The following C10orf90 variants were observed in gnomAD, a reference collection of about 807,000 sequenced individuals.
C10orf90 encodes the protein chromosome 10 open reading frame 90, also known as (E2-independent) E3 ubiquitin-conjugating enzyme FATS.
A neutral mutation model predicts 62.5 loss-of-function variants in C10orf90; 56 were observed. The ratio of observed to expected loss-of-function variants is 0.90; its 90% CI spans 0.72 to 1.12. C10orf90 has a LOEUF of 1.12. C10orf90 is among the 50% of genes most tolerant of loss of function. C10orf90 has a pLI of 0.00. For synonymous variants in C10orf90, 386 were observed against 340.4 expected, an observed-to-expected ratio of 1.13 and a Z score of -1.47; for missense variants, 970 against 880.4, an observed-to-expected ratio of 1.10 and a Z score of -1.29.
At chr10:126,549,957 CTTT>C (rs1168153149) in intron 2 of C10orf90, among the ~76,000 whole-genome samples, 7 of 117,380 alleles carry the variant, frequency 6.0e-5, no homozygotes, top group Middle Eastern at 4.4e-3. Flanking sequence ...GTAAAGCTTT[CTTT>C]TTTTTTTTTT....
At chr10:126,584,516 G>T (rs888443032) in intron 2 of C10orf90, among the ~76,000 whole-genome samples, 1 of 152,074 alleles carries the variant, frequency 6.6e-6, no homozygotes, top group African/African-American at 2.4e-5. Context: ...CTGCACTCTG[G>T]GGACTGGGAG....
At chr10:126,572,572 G>A (rs981988541) in intron 2 of C10orf90, among the ~76,000 whole-genome samples, 6 of 152,012 alleles carry the variant, frequency 3.9e-5, no homozygotes, top group Admixed American at 6.6e-5. Context: ...TGATGCTGGT[G>A]GGAGTGGAGC....
At chr10:126,647,443 G>A (rs189991194) in intron 1 of C10orf90, among the ~76,000 whole-genome samples, 7 of 152,274 alleles carry the variant, frequency 4.6e-5, no homozygotes, top group East Asian at 1.9e-4. Flanking sequence ...TTTGGTGTTC[G>A]GTTCCCATTA....
intron 2 of C10orf90, among the ~76,000 whole-genome samples, chr10:126,566,182 T>G (rs1403010242): frequency 6.6e-6 from 1 of 152,188 alleles, no homozygotes; most frequent in African/African-American, 2.4e-5. Context: ...CTCCTCACCT[T>G]CTAAACATTC....
chr10:126,639,508 G>T (rs969577902), intron 2 of C10orf90, among the ~76,000 whole-genome samples: 2 of 152,202 alleles, frequency 1.3e-5, no homozygotes, highest in Middle Eastern at 3.4e-3. Context: ...CACCTCAGAG[G>T]GGGAATTCAT....
chr10:126,478,343 T>C lies in C10orf90; in HGVS notation c.1535-13357A>G, dbSNP rs1167889517. ...CATCTACATCACAGGCTGATCGCCA[T>C]CCTGCTCCAGGAGGGAGAAATGGGA... On this transcript the variant is annotated intron_variant, in intron 4 of 9. Coordinates refer to ENST00000488181, the MANE Select transcript of C10orf90 (RefSeq NM_001350921.2). Among the ~76,000 whole-genome samples, 4 of 152,200 alleles carry C rather than the reference T, an allele frequency of 2.6e-5. No homozygotes were observed. In the East Asian group the frequency reaches 7.7e-4, roughly 29 times the overall value.
intron 1 of C10orf90, among the ~76,000 whole-genome samples, chr10:126,662,778 T>C (rs1008730004): frequency 9.4e-5 from 14 of 149,358 alleles, no homozygotes; most frequent in Admixed American, 6.7e-5. Context: ...CCTGGCATCA[T>C]TGGGATGGGT....
chr10:126,611,793 AC>A (rs1484275819), intron 2 of C10orf90, among the ~76,000 whole-genome samples: 1 of 152,190 alleles, frequency 6.6e-6, no homozygotes, highest in East Asian at 1.9e-4. Context: ...TCAGCCTCTC[AC>A]CATTTCTGGG....
At chr10:126,463,618 C>T (rs367953259) in intron 5 of C10orf90, among the ~76,000 whole-genome samples, 8 of 152,172 alleles carry the variant, frequency 5.3e-5, no homozygotes, top group African/African-American at 1.7e-4. Flanking sequence ...CAGCCACTTG[C>T]GTCATGTGTG....
At chr10:126,564,400 T>C (rs1477772859) in intron 2 of C10orf90, among the ~76,000 whole-genome samples, 1 of 151,718 alleles carries the variant, frequency 6.6e-6, no homozygotes, top group Non-Finnish European at 1.5e-5. Context: ...CCTCCTTCCA[T>C]TGCAAACACA....
At chr10:126,565,344 TATATA>T (rs1844346520) in intron 2 of C10orf90, among the ~76,000 whole-genome samples, 1 of 21,238 alleles carries the variant, frequency 4.7e-5, no homozygotes, top group African/African-American at 3.3e-4. Flanking sequence ...TTATATATAA[TATATA>T]ATATATAATA....
chr10:126,447,742 T>G (rs565452923), intron 7 of C10orf90, among the ~76,000 whole-genome samples: 1 of 152,320 alleles, frequency 6.6e-6, no homozygotes, highest in Admixed American at 6.5e-5. Flanking sequence ...TCTTCTCAAG[T>G]GTACATAGAA....
chr10:126,547,445 AAAG>A (rs1391176917), intron 2 of C10orf90, among the ~76,000 whole-genome samples: 2 of 151,550 alleles, frequency 1.3e-5, no homozygotes, highest in Non-Finnish European at 2.9e-5. Flanking sequence ...AAAGAGAAAG[AAAG>A]AAAATCATTC....
At chr10:126,629,580 G>A (rs978540959) in intron 2 of C10orf90, among the ~76,000 whole-genome samples, 6 of 152,208 alleles carry the variant, frequency 3.9e-5, no homozygotes, top group Admixed American at 2.0e-4. Context: ...TTTATGCAAT[G>A]ACTTGAAAGG....
At chr10:126,503,322 G>A (rs1447271942) in intron 4 of C10orf90, among the ~76,000 whole-genome samples, 2 of 152,180 alleles carry the variant, frequency 1.3e-5, no homozygotes, top group African/African-American at 4.8e-5. Flanking sequence ...TGGTCAAGAT[G>A]CCCCAGAAGA....
rs1862654502 is a variant in C10orf90 at position 126,505,101 on chromosome 10, G to T, written c.406-16C>A. The T allele has an allele frequency of 6.3e-7, 1 of 1,589,746 alleles. No homozygotes were observed. Among genetic ancestry groups the T allele is most frequent in the African/African-American group, 1.4e-5 (1 of 73,850 alleles). ...CCAGGGTCTCCTGCAAATAGAAAAA[G>T]ATCCCGATTATTCAAGCAGTCTATT... On this transcript the variant is annotated splice_polypyrimidine_tract_variant and intron_variant, in intron 3 of 9. Transcript: ENST00000488181.
chr10:126,466,228 T>C (rs982271037), intron 4 of C10orf90, among the ~76,000 whole-genome samples: 2 of 151,902 alleles, frequency 1.3e-5, no homozygotes, highest in African/African-American at 4.8e-5. Context: ...AAAAACACAT[T>C]GGGAATCCCT....
At chr10:126,623,427 C>A (rs1845684244) in intron 2 of C10orf90, among the ~76,000 whole-genome samples, 1 of 152,194 alleles carries the variant, frequency 6.6e-6, no homozygotes, top group Non-Finnish European at 1.5e-5. Flanking sequence ...TTTCCAACTA[C>A]CTGTATAAGG....
chr10:126,568,994 T>C (rs1844449504), intron 2 of C10orf90, among the ~76,000 whole-genome samples: 1 of 152,098 alleles, frequency 6.6e-6, no homozygotes, highest in Non-Finnish European at 1.5e-5. Context: ...ACCAGAGCCC[T>C]GCTGGGGGCA....
Sources: allele counts gnomAD v4.1 joint callset (sites outside exome capture counted in the v4.1 genomes callset), GRCh38; gene constraint gnomAD v4.1.1; transcripts MANE v1.5; gene names NCBI Gene and HGNC (gene_info 2026-07-23, HGNC 2026-07-21).